KALRN: variants seen among roughly 807,000 people sequenced by gnomAD.
KALRN encodes kalirin.
Under a neutral mutation model 353.7 loss-of-function variants are expected in KALRN, and 70 were observed. That is an observed-to-expected ratio of 0.20 (90% CI 0.16 to 0.24). The LOEUF is 0.24. KALRN is among the 10% of genes least tolerant of loss of function. The pLI, the probability that KALRN is intolerant of heterozygous loss-of-function variation, is 1.00. For synonymous variants in KALRN, 1,391 were observed against 1,434.8 expected, an observed-to-expected ratio of 0.97 and a Z score of 0.69; for missense variants, 2,791 against 3,756.7, an observed-to-expected ratio of 0.74 and a Z score of 6.72.
At chr3:124,690,244 G>A (rs566120003) in intron 51 of KALRN, among the ~76,000 whole-genome samples, 11 of 152,072 alleles carry the variant, frequency 7.2e-5, no homozygotes, top group Non-Finnish European at 1.5e-4. Context: ...AAACAATATG[G>A]TCCTTGTCCT....
intron 1 of KALRN, among the ~76,000 whole-genome samples, chr3:124,177,876 C>G (rs780402312): frequency 1.3e-5 from 2 of 152,142 alleles, no homozygotes; most frequent in Non-Finnish European, 2.9e-5. Flanking sequence ...TGGAAATCAG[C>G]CCCAATCTAA....
chr3:124,599,526 C>T (rs80060192), intron 34 of KALRN, among the ~76,000 whole-genome samples: 2 of 152,318 alleles, frequency 1.3e-5, no homozygotes, highest in East Asian at 3.9e-4. Flanking sequence ...CATTGCCATC[C>T]ACAGCTGCTG....
At chr3:124,673,009 C>T (rs192355248) in intron 48 of KALRN, among the ~76,000 whole-genome samples, 43 of 152,262 alleles carry the variant, frequency 2.8e-4, no homozygotes, top group Admixed American at 2.2e-3. Context: ...TGATTTGTTC[C>T]GTCACATCAC....
intron 1 of KALRN, among the ~76,000 whole-genome samples, chr3:124,214,056 A>C (rs988754986): frequency 6.6e-6 from 1 of 152,214 alleles, no homozygotes; most frequent in African/African-American, 2.4e-5. Flanking sequence ...AGAATAAATA[A>C]GAAAAATCTG....
At chr3:124,361,546 C>T (rs536452647) in intron 10 of KALRN, among the ~76,000 whole-genome samples, 1 of 152,222 alleles carries the variant, frequency 6.6e-6, no homozygotes, top group African/African-American at 2.4e-5. Flanking sequence ...TTTCCAGATT[C>T]TAGTAACTTA....
At chr3:124,216,557 GC>G (rs1431524531) in intron 1 of KALRN, among the ~76,000 whole-genome samples, 1 of 152,182 alleles carries the variant, frequency 6.6e-6, no homozygotes, top group African/African-American at 2.4e-5. Context: ...GGGTTTATAG[GC>G]CTGCTTCAGT....
intron 6 of KALRN, among the ~76,000 whole-genome samples, chr3:124,317,141 C>T (rs761207217): frequency 3.3e-5 from 5 of 152,210 alleles, no homozygotes; most frequent in African/African-American, 4.8e-5. Flanking sequence ...GATGAAAACA[C>T]GCTTACTGAG....
chr3:124,701,315 A>G (rs2062317053), intron 56 of KALRN, among the ~76,000 whole-genome samples: 1 of 152,046 alleles, frequency 6.6e-6, no homozygotes, highest in African/African-American at 2.4e-5. Context: ...ATCCTTCAGT[A>G]TACCAGATAA....
chr3:124,217,847 C>T (rs1403708332), intron 1 of KALRN, among the ~76,000 whole-genome samples: 7 of 152,182 alleles, frequency 4.6e-5, no homozygotes, highest in Admixed American at 4.6e-4. Context: ...GTTCTGCAAA[C>T]CTGGTTGTTA....
At chr3:124,322,773 C>A (rs951417008) in intron 6 of KALRN, among the ~76,000 whole-genome samples, 2 of 152,160 alleles carry the variant, frequency 1.3e-5, no homozygotes, top group African/African-American at 4.8e-5. Flanking sequence ...GGAGACCTTC[C>A]TTGCCATTAC....
chr3:124,149,632 AAG>A (rs2067823405), intron 1 of KALRN, among the ~76,000 whole-genome samples: 4 of 152,176 alleles, frequency 2.6e-5, no homozygotes, highest in Non-Finnish European at 5.9e-5. Context: ...TGTCGTTTTA[AAG>A]AGTCTCTTAG....
intron 33 of KALRN, among the ~76,000 whole-genome samples, chr3:124,553,880 A>G (rs891368611): frequency 1.3e-5 from 2 of 152,246 alleles, no homozygotes; most frequent in African/African-American, 2.4e-5. Context: ...CCGCATCTCT[A>G]TTGACAACTT....
At chr3:124,039,656 A>C (rs529270544) in intron 1 of KALRN, among the ~76,000 whole-genome samples, 2 of 152,322 alleles carry the variant, frequency 1.3e-5, no homozygotes, top group Admixed American at 1.3e-4. Flanking sequence ...GGGAATAACA[A>C]TCTATGTTGG....
At chr3:124,534,889 C>G (rs771251454) in intron 33 of KALRN, among the ~76,000 whole-genome samples, 1 of 152,062 alleles carries the variant, frequency 6.6e-6, no homozygotes, top group East Asian at 1.9e-4. Context: ...ACAAACCAAG[C>G]GAACCCTGCA....
At chr3:124,385,860 C>T (rs187829104) in intron 11 of KALRN, among the ~76,000 whole-genome samples, 7 of 152,234 alleles carry the variant, frequency 4.6e-5, no homozygotes, top group African/African-American at 1.4e-4. Flanking sequence ...TAATAACAGC[C>T]TTGGCAGATG....
intron 1 of KALRN, among the ~76,000 whole-genome samples, chr3:124,101,095 T>C (rs2061826560): frequency 6.6e-6 from 1 of 152,258 alleles, no homozygotes; most frequent in East Asian, 1.9e-4. Flanking sequence ...ATCTTTTGGA[T>C]ACACCTCATG....
chr3:124,703,537 G>C (rs1230665033), intron 57 of KALRN, among the ~76,000 whole-genome samples: 1 of 151,908 alleles, frequency 6.6e-6, no homozygotes, highest in Non-Finnish European at 1.5e-5. Flanking sequence ...GCCCAGGCTG[G>C]TCTTGAACTC....
chr3:124,636,983 A>G (rs2081418145), intron 36 of KALRN: 1 of 499,340 alleles, frequency 2.0e-6, no homozygotes, highest in Admixed American at 3.2e-5. Flanking sequence ...GCCTAAGGAT[A>G]GCCTAGTACC....
chr3:124,618,334 C>T (rs2078877498), intron 34 of KALRN, among the ~76,000 whole-genome samples: 1 of 151,118 alleles, frequency 6.6e-6, no homozygotes, highest in South Asian at 2.1e-4. Context: ...CCAGGATGGT[C>T]TCGATCTCTT....
Sources: gnomAD v4.1 joint callset for allele counts (sites outside exome capture counted in the v4.1 genomes callset) on GRCh38, gnomAD v4.1.1 for gene constraint, MANE v1.5 for transcripts, NCBI Gene and HGNC (gene_info 2026-07-23, HGNC 2026-07-21) for gene names.